Variants in PCTP observed in about 807,000 individuals in gnomAD.
PCTP encodes START domain-containing protein 2.
In PCTP, 27 loss-of-function variants were observed where a neutral mutation model predicts 31.0. That is an observed-to-expected ratio of 0.87 (90% CI 0.64 to 1.20). PCTP has a LOEUF of 1.20. Ranked by LOEUF, PCTP falls within the 50% of genes most tolerant of loss-of-function variation. The probability of loss-of-function intolerance (pLI) is 0.00; values close to 1 mark genes in which losing one functional copy is unlikely to be tolerated. For missense variants in PCTP, 287 were observed against 268.2 expected (o/e 1.07, Z -0.49); for synonymous variants, 108 against 101.2 (o/e 1.07, Z -0.40).
intron 2 of PCTP, among the ~76,000 whole-genome samples, chr17:55,786,634 T>C (rs1911756484): frequency 6.6e-6 from 1 of 152,242 alleles, no homozygotes; most frequent in African/African-American, 2.4e-5. Context: ...CAGTTAAAAT[T>C]GTTCTGTTAA....
intron 1 of PCTP, among the ~76,000 whole-genome samples, chr17:55,763,487 A>T (rs1018325852): frequency 6.6e-6 from 1 of 151,306 alleles, no homozygotes; most frequent in Non-Finnish European, 1.5e-5. Flanking sequence ...CTATACAAAC[A>T]TAAATATTCT....
intron 5 of PCTP, among the ~76,000 whole-genome samples, chr17:55,840,892 G>A (rs1163455032): frequency 1.3e-5 from 2 of 152,188 alleles, no homozygotes; most frequent in African/African-American, 2.4e-5. Context: ...TGCTCAAGCA[G>A]TGCAAATATT....
intron 1 of PCTP, among the ~76,000 whole-genome samples, chr17:55,755,311 T>C (rs999752322): frequency 6.6e-6 from 1 of 152,190 alleles, no homozygotes; most frequent in African/African-American, 2.4e-5. Context: ...GTGGCCAACC[T>C]AAGGCCAAAG....
chr17:55,845,887 G>GGTGTGTGTGTGTGT (rs34179575), downstream of PCTP, among the ~76,000 whole-genome samples: 2,552 of 143,014 alleles, frequency 0.018, 48 homozygotes, highest in African/African-American at 0.038. Flanking sequence ...AGAGGGTTGG[G>GGTGTGTGTGTGTGT]GTGTGTGTGT....
rs1458271633 is a variant in PCTP at position 55,762,573 on chromosome 17, A to G, written c.142-4762A>G. Among the ~76,000 whole-genome samples the G allele has an allele frequency of 2.0e-5, 3 of 152,164 alleles. 1 individual carries two copies. Among genetic ancestry groups the G allele is most frequent in the East Asian group, 3.9e-4 (2 of 5,194 alleles). The stretch of plus-strand genomic sequence containing the variant: ...GCTACAAGTAATAGAAAATTGGACA[A>G]TCAATGACAAACAGAGGCATGTTTA... On this transcript the variant is annotated intron_variant, in intron 1 of 5. Coordinates refer to ENST00000268896, the MANE Select transcript of PCTP (RefSeq NM_021213.4).
intron 3 of PCTP, among the ~76,000 whole-genome samples, chr17:55,797,865 A>T (rs1912235577): frequency 6.6e-6 from 1 of 152,030 alleles, no homozygotes; most frequent in Non-Finnish European, 1.5e-5. Flanking sequence ...CAAGGATATG[A>T]GGTCTAGTTA....
exon 4 of PCTP, chr17:55,822,822 A>G (rs1359701345): frequency 3.2e-6 from 4 of 1,230,954 alleles, no homozygotes; most frequent in East Asian, 3.2e-5. Flanking sequence ...TTTTTGGCAA[A>G]CCCAAACATT....
At chr17:55,805,917 T>TGTGTGTGTG (rs1159147410) in intron 3 of PCTP, among the ~76,000 whole-genome samples, 3 of 151,620 alleles carry the variant, frequency 2.0e-5, no homozygotes, top group South Asian at 4.2e-4. Context: ...TGTGTGTGTG[T>TGTGTGTGTG]TTGACTTTAG....
At chr17:55,829,033 T>C (rs367608538) in intron 5 of PCTP, among the ~76,000 whole-genome samples, 21 of 151,956 alleles carry the variant, frequency 1.4e-4, no homozygotes, top group African/African-American at 4.8e-4. Context: ...TAATCATCAC[T>C]GAGGACCACA....
intron 5 of PCTP, among the ~76,000 whole-genome samples, chr17:55,831,319 G>A (rs1223319732): frequency 6.6e-6 from 1 of 152,168 alleles, no homozygotes; most frequent in East Asian, 1.9e-4. Flanking sequence ...CATAATTCAG[G>A]AGTTCAGTTC....
chr17:55,824,380 T>C (rs1905329762), downstream of PCTP, among the ~76,000 whole-genome samples: 1 of 152,198 alleles, frequency 6.6e-6, no homozygotes, highest in South Asian at 2.1e-4. Context: ...CCAAAGACAG[T>C]AGGCATGACC....
chr17:55,832,024 G>A (rs192196628), intron 5 of PCTP, among the ~76,000 whole-genome samples: 2 of 152,186 alleles, frequency 1.3e-5, no homozygotes, highest in East Asian at 1.9e-4. Flanking sequence ...GCAGCGAGCC[G>A]AGATTGCACC....
At chr17:55,752,678 A>G (rs1909778425) in intron 1 of PCTP, among the ~76,000 whole-genome samples, 1 of 152,216 alleles carries the variant, frequency 6.6e-6, no homozygotes, top group African/African-American at 2.4e-5. Context: ...AACACAGCAG[A>G]TACTGCAAGT....
At position 55,763,885 on chromosome 17, in the gene PCTP, G is replaced by T. The variant is rs540902574; in HGVS notation, c.142-3450G>T. 1.2e-4 allele frequency among the ~76,000 whole-genome samples: 18 copies of T among 152,318 alleles called. No homozygotes were observed. In the South Asian group the frequency reaches 3.3e-3, roughly 28 times the overall value. On this transcript the variant is annotated intron_variant, in intron 1 of 5. Transcript: ENST00000268896. ...TCAAGAATGTGGACCAGGCTGTTCAGCGCTTGGACATTGTATTGATGAAGT... is the reference window on the plus strand; with the variant it reads ...TCAAGAATGTGGACCAGGCTGTTCATCGCTTGGACATTGTATTGATGAAGT...
intron 4 of PCTP, among the ~76,000 whole-genome samples, chr17:55,774,100 C>A (rs1567716912): frequency 6.6e-6 from 1 of 152,236 alleles, no homozygotes; most frequent in Non-Finnish European, 1.5e-5. Flanking sequence ...TGATGTTTAA[C>A]TCTGACCCAG....
chr17:55,816,316 A>G (rs1025870559), intron 3 of PCTP, among the ~76,000 whole-genome samples: 2 of 152,146 alleles, frequency 1.3e-5, no homozygotes, highest in Non-Finnish European at 2.9e-5. Flanking sequence ...ACTCTATGAA[A>G]TTGTCTGGAT....
chr17:55,845,986 C>G (rs183561405), downstream of PCTP, among the ~76,000 whole-genome samples: 5 of 151,128 alleles, frequency 3.3e-5, no homozygotes, highest in South Asian at 1.0e-3. Flanking sequence ...CCCTGTGTAT[C>G]CATGGATTCA....
At chr17:55,765,653 C>A (rs944943667) in intron 1 of PCTP, among the ~76,000 whole-genome samples, 8 of 152,166 alleles carry the variant, frequency 5.3e-5, no homozygotes, top group Non-Finnish European at 1.2e-4. Context: ...CAAGAATCAC[C>A]TTTAAAAAAT....
intron 3 of PCTP, among the ~76,000 whole-genome samples, chr17:55,814,880 C>T (rs910267133): frequency 5.9e-5 from 9 of 152,296 alleles, no homozygotes; most frequent in East Asian, 1.9e-4. Flanking sequence ...AGAAGACAAG[C>T]GGAGTTTGGG....
Sources: gnomAD v4.1 joint callset for allele counts (sites outside exome capture counted in the v4.1 genomes callset) on GRCh38, gnomAD v4.1.1 for gene constraint, MANE v1.5 for transcripts, NCBI Gene and HGNC (gene_info 2026-07-23, HGNC 2026-07-21) for gene names.